FAM72B: variants seen among roughly 807,000 people sequenced by gnomAD.
FAM72B encodes the protein protein FAM72B.
A neutral mutation model predicts 12.6 loss-of-function variants in FAM72B; 4 were observed. The ratio of observed to expected loss-of-function variants is 0.32; its 90% CI spans 0.16 to 0.73. The LOEUF (loss-of-function observed/expected upper bound fraction) is 0.73, where lower values mean the gene tolerates loss of function less well. Ranked by LOEUF, FAM72B falls within the 30% of genes least tolerant of loss-of-function variation. The probability of loss-of-function intolerance (pLI) is 0.67; values close to 1 mark genes in which losing one functional copy is unlikely to be tolerated. For missense variants in FAM72B, 61 were observed against 158.4 expected (o/e 0.39, Z 3.30); for synonymous variants, 13 against 53.9 (o/e 0.24, Z 3.32).
intron 2 of FAM72B, among the ~76,000 whole-genome samples, chr1:121,180,450 G>A (rs1451838770): frequency 7.5e-6 from 1 of 133,064 alleles, no homozygotes; most frequent in African/African-American, 3.1e-5. Flanking sequence ...TCAGGAGGCT[G>A]AGGCAGGAGA....
At chr1:121,174,642 C>T (rs28801406) in intron 3 of FAM72B, among the ~76,000 whole-genome samples, 56,498 of 150,146 alleles carry the variant, frequency 0.38, 12,350 homozygotes, top group Non-Finnish European at 0.51. Flanking sequence ...GCTGGGATTA[C>T]AGGTGTGAGC....
chr1:121,169,671 A>T (rs1654051514), intron 3 of FAM72B, among the ~76,000 whole-genome samples: 2 of 152,260 alleles, frequency 1.3e-5, no homozygotes, highest in African/African-American at 4.8e-5. Context: ...TATAATATGA[A>T]CTGCAATCCT....
At position 121,173,184 on chromosome 1, in the gene FAM72B, A is replaced by ATT. The variant is rs199877959; in HGVS notation, c.355+4022_355+4023dup. On this transcript the variant is annotated intron_variant, in intron 3 of 3. Coordinates refer to ENST00000369390, the MANE Select transcript of FAM72B (RefSeq NM_001100910.2). Reference sequence around the variant, plus strand: ...GGTAGTGTACTTTCTTACTAAAATAATTTTTTTTTTTTTTTTTTGAGACAG... The same window carrying ATT: ...GGTAGTGTACTTTCTTACTAAAATAATTTTTTTTTTTTTTTTTTTTGAGACAG... Among the ~76,000 whole-genome samples, 306 of 125,502 alleles carry ATT rather than the reference A, an allele frequency of 2.4e-3. 5 individuals carry two copies. Among genetic ancestry groups the ATT allele is most frequent in the African/African-American group, 9.4e-3 (290 of 30,918 alleles). The allele number at this position is 125,502 out of a possible 152,430, so 82.3% of individuals were successfully genotyped here. A position where few individuals can be genotyped will look rare whatever the true frequency, so the allele number is the denominator to read the frequency against.
intron 2 of FAM72B, among the ~76,000 whole-genome samples, chr1:121,179,403 G>A (rs1264890005): frequency 6.7e-6 from 1 of 148,628 alleles, no homozygotes; most frequent in African/African-American, 2.5e-5. Flanking sequence ...AAATGTCGTT[G>A]CCCAGGTGCG....
intron 3 of FAM72B, among the ~76,000 whole-genome samples, chr1:121,176,865 G>GAC: frequency 6.6e-6 from 1 of 151,858 alleles, no homozygotes; most frequent in South Asian, 2.1e-4. Context: ...CACACACACA[G>GAC]ACACACACAT....
In FAM72B at chr1:121,168,532, G is replaced by T. The variant is rs1456665033; in HGVS notation, c.*209C>A. ...CTACACTGGGCAGAAAAAGGTGGGGGAGAGGAAGTAGAAGTAGAGGAAAAG... is the reference window on the plus strand; with the variant it reads ...CTACACTGGGCAGAAAAAGGTGGGGTAGAGGAAGTAGAAGTAGAGGAAAAG... On this transcript the variant is annotated 3_prime_UTR_variant, in exon 4 of 4. Coordinates refer to ENST00000369390, the MANE Select transcript of FAM72B (RefSeq NM_001100910.2). 3 of 456,914 alleles carry T rather than the reference G, an allele frequency of 6.6e-6. No homozygotes were observed. Among genetic ancestry groups the T allele is most frequent in the Non-Finnish European group, 1.2e-5 (3 of 255,998 alleles). The allele number at this position is 456,914 out of a possible 1,614,324, so 28.3% of individuals were successfully genotyped here.
chr1:121,174,975 T>C (rs1245430688), intron 3 of FAM72B, among the ~76,000 whole-genome samples: 1 of 151,964 alleles, frequency 6.6e-6, no homozygotes, highest in Admixed American at 6.6e-5. Flanking sequence ...CAAAACAGCC[T>C]TCTATTGGAA....
intron 3 of FAM72B, among the ~76,000 whole-genome samples, chr1:121,169,993 C>T (rs1170831608): frequency 4.6e-5 from 7 of 151,584 alleles, no homozygotes; most frequent in Non-Finnish European, 7.4e-5. Flanking sequence ...CTTTTTGAGT[C>T]GGAGTCTCGC....
intron 3 of FAM72B, among the ~76,000 whole-genome samples, chr1:121,172,957 A>C (rs1190213644): frequency 7.8e-6 from 1 of 128,058 alleles, no homozygotes; most frequent in Non-Finnish European, 1.6e-5. Flanking sequence ...GTATGCCTGT[A>C]ATCTCGCTAC....
chr1:121,179,900 A>G (rs1654297167), intron 2 of FAM72B, among the ~76,000 whole-genome samples: 1 of 141,502 alleles, frequency 7.1e-6, no homozygotes, highest in Non-Finnish European at 1.5e-5. Flanking sequence ...TTTTTGTTGT[A>G]TTTCCAGCCC....
At chr1:121,169,600 G>A (rs1654046833) in intron 3 of FAM72B, among the ~76,000 whole-genome samples, 1 of 152,160 alleles carries the variant, frequency 6.6e-6, no homozygotes, top group Non-Finnish European at 1.5e-5. Context: ...CCTTCAATAA[G>A]CAGAGAAGTA....
At chr1:121,170,050 A>T (rs1654061280) in intron 3 of FAM72B, among the ~76,000 whole-genome samples, 1 of 151,974 alleles carries the variant, frequency 6.6e-6, no homozygotes, top group Non-Finnish European at 1.5e-5. Flanking sequence ...GGCTCACTGC[A>T]ACCTCTGCCT....
intron 2 of FAM72B, among the ~76,000 whole-genome samples, chr1:121,180,923 C>T (rs1351958920): frequency 1.3e-5 from 2 of 152,144 alleles, no homozygotes; most frequent in Non-Finnish European, 2.9e-5. Context: ...AGTTTAGAGG[C>T]TAAAGGAGTT....
chr1:121,170,137 A>ATTTTTTTTTTTTTTTTTTTTTTTTTTT (rs1654063182), intron 3 of FAM72B, among the ~76,000 whole-genome samples: 1 of 151,550 alleles, frequency 6.6e-6, no homozygotes, highest in Non-Finnish European at 1.5e-5. Context: ...TGCCTGGGTA[A>ATTTTTTTTTTTTTTTTTTTTTTTTTTT]TTTTTGTATT....
intron 1 of FAM72B, 25 bp from the exon 2 acceptor site, chr1:121,181,373 ACAGT>A (rs1480851069): frequency 8.4e-6 from 5 of 596,424 alleles, no homozygotes; most frequent in South Asian, 4.0e-5. Flanking sequence ...GTATAAAAAG[ACAGT>A]CAGATGTACT....
intron 3 of FAM72B, among the ~76,000 whole-genome samples, chr1:121,174,973 C>T (rs1447272707): frequency 1.3e-5 from 2 of 151,930 alleles, no homozygotes; most frequent in Non-Finnish European, 2.9e-5. Flanking sequence ...CACAAAACAG[C>T]CTTCTATTGG....
At chr1:121,179,973 A>G (rs1460671211) in intron 2 of FAM72B, among the ~76,000 whole-genome samples, 1 of 113,606 alleles carries the variant, frequency 8.8e-6, no homozygotes, top group African/African-American at 4.0e-5. Flanking sequence ...AAAGGAATGA[A>G]ATCAAATAGC....
chr1:121,179,671 A>G (rs1570683581), intron 2 of FAM72B, among the ~76,000 whole-genome samples: 1 of 148,958 alleles, frequency 6.7e-6, no homozygotes, highest in East Asian at 2.0e-4. Flanking sequence ...CTACTAAAAT[A>G]TGAAAAATTA....
At chr1:121,168,953 G>T (rs1654032389) in intron 3 of FAM72B, 118 bp from the exon 4 acceptor site, 3 of 574,758 alleles carry the variant, frequency 5.2e-6, no homozygotes, top group East Asian at 3.0e-5. Context: ...GCAGTAAAAA[G>T]AGTAGCTATT....
Sources: gnomAD v4.1 joint callset for allele counts (sites outside exome capture counted in the v4.1 genomes callset) on GRCh38, gnomAD v4.1.1 for gene constraint, MANE v1.5 for transcripts, NCBI Gene and HGNC (gene_info 2026-07-23, HGNC 2026-07-21) for gene names.